The following TAPBPL variants were observed in gnomAD, a reference collection of about 807,000 sequenced individuals.
TAPBPL encodes the protein tapasin-related protein.
Under a neutral mutation model 44.8 loss-of-function variants are expected in TAPBPL, and 32 were observed. The ratio of observed to expected loss-of-function variants is 0.71; its 90% CI spans 0.54 to 0.96. TAPBPL has a LOEUF of 0.96. Ranked by LOEUF, TAPBPL falls within the 40% of genes least tolerant of loss-of-function variation. The pLI is 0.00. For missense variants in TAPBPL, 520 were observed against 586.6 expected (o/e 0.89, Z 1.17); for synonymous variants, 230 against 240.7 (o/e 0.96, Z 0.41).
At chr12:6,461,257 G>A (rs759620115) in intron 6 of TAPBPL, 37 of 1,194,814 alleles carry the variant, frequency 3.1e-5, no homozygotes, top group Non-Finnish European at 3.9e-5. Flanking sequence ...GGGGCACTGG[G>A]CCTGGCTCTG....
intron 4 of TAPBPL, among the ~76,000 whole-genome samples, chr12:6,458,115 C>T (rs1217893236): frequency 6.6e-6 from 1 of 152,178 alleles, no homozygotes; most frequent in Non-Finnish European, 1.5e-5. Context: ...AGGCCGGGCG[C>T]GGTGGCTCAC....
At chr12:6,466,026 G>T (rs749122309), downstream of TAPBPL, 1 of 1,613,618 alleles carries the variant, frequency 6.2e-7, no homozygotes, top group Non-Finnish European at 8.5e-7. Flanking sequence ...AAACAAAGCA[G>T]CTAAGCTTCC....
downstream of TAPBPL, among the ~76,000 whole-genome samples, chr12:6,469,102 C>T (rs891630638): frequency 6.6e-6 from 1 of 152,180 alleles, no homozygotes; most frequent in African/African-American, 2.4e-5. Flanking sequence ...CAGATTACAC[C>T]TGACTCATTC....
chr12:6,466,293 G>T, downstream of TAPBPL: 3 of 1,614,170 alleles, frequency 1.9e-6, no homozygotes, highest in Non-Finnish European at 2.5e-6. Context: ...GGGCCAGGGG[G>T]ACCCCCACCT....
chr12:6,453,037 G>GGC lies in TAPBPL; in HGVS notation c.65-28_65-27dup, dbSNP rs1231113629. On this transcript the variant is annotated intron_variant, in intron 1 of 6. Transcript: ENST00000266556. The surrounding 1 kb of genome is among the most constrained non-coding windows in gnomAD (Gnocchi z 4.8). ...AAGTGTGGAGTAGCTTTCTGGGGAAGGCGGTGCTCACCCCAGCCTTTGTCT... is the reference window on the plus strand; with the variant it reads ...AAGTGTGGAGTAGCTTTCTGGGGAAGGCGCGGTGCTCACCCCAGCCTTTGTCT... 4 of 1,546,284 alleles carry GGC rather than the reference G, an allele frequency of 2.6e-6. No individual in the cohort carries two copies. The highest frequency in any genetic ancestry group is 3.5e-6 in the Non-Finnish European group (4 of 1,143,202).
chr12:6,463,339 G>A, downstream of TAPBPL: 2 of 1,170,684 alleles, frequency 1.7e-6, no homozygotes, highest in Non-Finnish European at 2.1e-6. This position sits in a 1 kb window ranked among gnomAD's most constrained non-coding sequence, Gnocchi z 4.0. Context: ...GGTGGGGCTG[G>A]TGGGTCTACA....
downstream of TAPBPL, chr12:6,464,883 T>C: frequency 6.2e-7 from 1 of 1,614,080 alleles, no homozygotes; most frequent in Non-Finnish European, 8.5e-7. Context: ...ACTTCAGCGA[T>C]ACTTACTTAC....
At chr12:6,466,097 T>C (rs1950017701), downstream of TAPBPL, 3 of 1,610,534 alleles carry the variant, frequency 1.9e-6, no homozygotes, top group Admixed American at 5.0e-5. Flanking sequence ...TGTGCAACTC[T>C]AAAGGGTGCT....
In TAPBPL at chr12:6,457,432, C is replaced by T; in HGVS notation, c.592C>T (p.Gln198Ter). ...AVEFQVMTQT[Q>*]SLSFLLGSSA... ...GGAGTTCCAGGTGATGACACAGACC[C>T]AATCCCTGAGCTTCCTGCTGGGGTC... Residue 198 changes from glutamine (Q) to a stop codon, truncating the protein, a stop_gained, in exon 4 of 7, where the codon CAA becomes TAA. Transcript: ENST00000266556. LOFTEE classifies it high-confidence loss of function. The T allele has an allele frequency of 6.2e-7, 1 of 1,614,168 alleles. No individual in the cohort carries two copies. The highest frequency in any genetic ancestry group is 8.5e-7 in the Non-Finnish European group (1 of 1,180,002).
chr12:6,462,983 G>A (rs192577738), downstream of TAPBPL: 25 of 1,551,262 alleles, frequency 1.6e-5, no homozygotes, highest in Admixed American at 2.0e-5. Context: ...TTCGTGGACC[G>A]AGGGAAGAAG....
At chr12:6,451,925 T>C (rs1949555436), upstream of TAPBPL, 2 of 412,116 alleles carry the variant, frequency 4.9e-6, no homozygotes, top group South Asian at 2.3e-5. Context: ...CTCCACTTTT[T>C]TGGGACAGGT....
At chr12:6,465,033 T>C (rs1949970317), downstream of TAPBPL, 3 of 1,574,918 alleles carry the variant, frequency 1.9e-6, no homozygotes, top group East Asian at 4.5e-5. Flanking sequence ...CCTTCCATCC[T>C]TGGGACAATG....
chr12:6,455,220 G>A (rs1028033788), intron 3 of TAPBPL, among the ~76,000 whole-genome samples: 4 of 152,134 alleles, frequency 2.6e-5, no homozygotes, highest in Admixed American at 6.6e-5. Context: ...TGAACTGAGA[G>A]TAAGTTGCAG....
intron 1 of TAPBPL, 144 bp from the exon 2 acceptor site, chr12:6,452,923 A>T: frequency 1.2e-6 from 1 of 856,844 alleles, no homozygotes; most frequent in Non-Finnish European, 1.8e-6. Flanking sequence ...GGATGACGGG[A>T]GAATAGAGGG....
downstream of TAPBPL, chr12:6,463,931 G>T: frequency 7.8e-7 from 1 of 1,289,386 alleles, no homozygotes; most frequent in Non-Finnish European, 1.0e-6. The surrounding 1 kb of genome is among the most constrained non-coding windows in gnomAD (Gnocchi z 4.0). Context: ...TTCGAAAAGG[G>T]TACTGCACTG....
Position 6,458,761 on chromosome 12 carries a change from G to A in TAPBPL, c.1021G>A (p.Gly341Ser). The change falls in exon 5 of 7, where the codon GGT becomes AGT. Residue 341 changes from glycine (G) to serine (S), a missense_variant. Gly to Ser is a moderately conservative substitution (Grantham distance 56, BLOSUM62 0). Transcript: ENST00000266556. ...GGTGACGTGGACCCGAGAGGAGCTG[G>A]GTGGATCCCCAGCCCAAGTCTCTGG... The part of the protein sequence containing the change: ...VVVTWTREEL[G>S]GSPAQVSGAS... The A allele has an allele frequency of 6.2e-7, 1 of 1,614,138 alleles. No individual in the cohort carries two copies. The highest frequency in any genetic ancestry group is 8.5e-7 in the Non-Finnish European group (1 of 1,180,040).
At chr12:6,466,104 T>C (rs1950017957), downstream of TAPBPL, 16 of 1,610,616 alleles carry the variant, frequency 9.9e-6, no homozygotes, top group African/African-American at 1.3e-5. Context: ...CTCTAAAGGG[T>C]GCTTTGCCTC....
At chr12:6,455,320 T>C (rs1017415683) in intron 3 of TAPBPL, among the ~76,000 whole-genome samples, 1 of 152,202 alleles carries the variant, frequency 6.6e-6, no homozygotes, top group Admixed American at 6.5e-5. Context: ...TAGTTTACAA[T>C]GAAGGACAAG....
Position 6,458,751 on chromosome 12 carries a change from A to C in TAPBPL, c.1011A>C (p.Arg337=). 1.2e-6 allele frequency: 2 copies of C among 1,614,102 alleles called. No homozygotes were observed. The highest frequency in any genetic ancestry group is 8.5e-7 in the Non-Finnish European group (1 of 1,180,026). ...YPLDVVVTWT[R]EELGGSPAQV... is the part of the protein sequence containing the mutation. ...TGGATGTGGTGGTGACGTGGACCCG[A>C]GAGGAGCTGGGTGGATCCCCAGCCC... Residue 337 remains arginine (R), a synonymous_variant, in exon 5 of 7, where the codon CGA becomes CGC. Transcript: ENST00000266556.
Sources: allele counts gnomAD v4.1 joint callset (sites outside exome capture counted in the v4.1 genomes callset), GRCh38; gene constraint gnomAD v4.1.1; non-coding constraint Gnocchi (gnomAD v3.1); transcripts MANE v1.5; gene names NCBI Gene and HGNC (gene_info 2026-07-23, HGNC 2026-07-21).